Variants in TMEM163 observed in about 807,000 individuals in gnomAD.
TMEM163 encodes transmembrane protein 163.
A neutral mutation model predicts 29.3 loss-of-function variants in TMEM163; 17 were observed. That is an observed-to-expected ratio of 0.58 (90% CI 0.40 to 0.87). TMEM163 has a LOEUF of 0.87. Ranked by LOEUF, TMEM163 falls within the 40% of genes least tolerant of loss-of-function variation. TMEM163 has a pLI of 0.00. For missense variants in TMEM163, 303 were observed against 381.5 expected (o/e 0.79, Z 1.71); for synonymous variants, 157 against 160.6 (o/e 0.98, Z 0.17).
chr2:134,707,942 G>A (rs1684854516), intron 2 of TMEM163, among the ~76,000 whole-genome samples: 1 of 149,760 alleles, frequency 6.7e-6, no homozygotes, highest in East Asian at 1.9e-4. Context: ...AGGCTGGAGT[G>A]CAATGGTGCG....
intron 2 of TMEM163, among the ~76,000 whole-genome samples, chr2:134,702,143 C>T (rs1684718389): frequency 1.3e-5 from 2 of 151,966 alleles, no homozygotes; most frequent in Admixed American, 6.5e-5. Context: ...TGAACACTGC[C>T]GACATGCTCG....
chr2:134,645,112 C>T (rs143562955), intron 2 of TMEM163, among the ~76,000 whole-genome samples: 4 of 152,272 alleles, frequency 2.6e-5, no homozygotes, highest in Admixed American at 6.5e-5. Flanking sequence ...GCTGCTTATA[C>T]CAAATGCTTA....
chr2:134,571,698 G>C (rs897920977), intron 2 of TMEM163, among the ~76,000 whole-genome samples: 1 of 152,162 alleles, frequency 6.6e-6, no homozygotes, highest in African/African-American at 2.4e-5. Context: ...AGGAAACTAG[G>C]CATAAGCTTC....
intron 5 of TMEM163, among the ~76,000 whole-genome samples, chr2:134,497,311 A>G (rs140832893): frequency 4.1e-4 from 62 of 152,366 alleles, no homozygotes; most frequent in Admixed American, 1.4e-3. Context: ...GGAGATGAGC[A>G]ATCAAATGGT....
chr2:134,661,932 T>TTTTTTCC (rs1683762350), intron 2 of TMEM163, among the ~76,000 whole-genome samples: 1 of 139,172 alleles, frequency 7.2e-6, no homozygotes, highest in African/African-American at 2.7e-5. Flanking sequence ...TTTCTTTCTT[T>TTTTTTCC]TTTTTTTTTT....
chr2:134,579,113 A>AT (rs984914962), intron 2 of TMEM163, among the ~76,000 whole-genome samples: 29 of 152,152 alleles, frequency 1.9e-4, no homozygotes, highest in African/African-American at 6.7e-4. Flanking sequence ...GTCCCACCTG[A>AT]TTTTTTACAG....
intron 2 of TMEM163, among the ~76,000 whole-genome samples, chr2:134,669,822 A>G (rs7571113): frequency 0.65 from 98,173 of 152,044 alleles, 32,974 homozygotes; most frequent in African/African-American, 0.79. Context: ...CCACCATGCT[A>G]GAGGGATGAG....
intron 4 of TMEM163, among the ~76,000 whole-genome samples, chr2:134,523,959 C>T (rs1232742796): frequency 2.6e-5 from 4 of 152,166 alleles, no homozygotes; most frequent in African/African-American, 7.2e-5. Flanking sequence ...TGCTTTTAAA[C>T]ATTCTACAAT....
At chr2:134,494,399 G>A (rs1013088806) in intron 5 of TMEM163, among the ~76,000 whole-genome samples, 2 of 152,286 alleles carry the variant, frequency 1.3e-5, no homozygotes, top group African/African-American at 4.8e-5. Flanking sequence ...ATTAAATTCA[G>A]AGTTACACTT....
intron 2 of TMEM163, among the ~76,000 whole-genome samples, chr2:134,586,580 C>T (rs1032038188): frequency 7.2e-5 from 11 of 152,218 alleles, no homozygotes; most frequent in African/African-American, 2.7e-4. Flanking sequence ...ACATCTGCAA[C>T]AATCTTATTT....
intron 4 of TMEM163, among the ~76,000 whole-genome samples, chr2:134,507,615 T>TA (rs1219099881): frequency 1.3e-5 from 2 of 152,124 alleles, no homozygotes; most frequent in Non-Finnish European, 2.9e-5. Context: ...CCTGTAATTC[T>TA]AGCACTTTCA....
At chr2:134,555,224 A>T (rs1419721048) in intron 2 of TMEM163, among the ~76,000 whole-genome samples, 2 of 152,224 alleles carry the variant, frequency 1.3e-5, no homozygotes, top group African/African-American at 4.8e-5. Flanking sequence ...TTGAGAAAAG[A>T]ACAAACTCAA....
chr2:134,605,455 T>C (rs1264583179), intron 2 of TMEM163, among the ~76,000 whole-genome samples: 1 of 152,128 alleles, frequency 6.6e-6, no homozygotes, highest in Admixed American at 6.5e-5. Flanking sequence ...ATCAGCACTT[T>C]AGGAGGCTGA....
chr2:134,510,185 A>G (rs1679916086), intron 4 of TMEM163, among the ~76,000 whole-genome samples: 1 of 152,204 alleles, frequency 6.6e-6, no homozygotes, highest in Non-Finnish European at 1.5e-5. Context: ...GTACCTCAGA[A>G]AAAAAAGACC....
chr2:134,606,521 A>G (rs1427171164), intron 2 of TMEM163, among the ~76,000 whole-genome samples: 1 of 152,136 alleles, frequency 6.6e-6, no homozygotes, highest in East Asian at 1.9e-4. Flanking sequence ...ACTCTGCCCA[A>G]GGTGTTTCCA....
rs1470593422 is a variant in TMEM163 at position 134,604,895 on chromosome 2, C to T, written c.323-52804G>A. Among the ~76,000 whole-genome samples the T allele has an allele frequency of 3.3e-5, 5 of 152,070 alleles. No individual in the cohort carries two copies. In the East Asian group the frequency reaches 7.7e-4, roughly 23 times the overall value. ...AAGATTTGTTTTTAAGAACACAATC[C>T]TTGGCCAGGTGCGGTGGCTCACACC... On this transcript the variant is annotated intron_variant, in intron 2 of 7. Transcript: ENST00000281924.
intron 2 of TMEM163, among the ~76,000 whole-genome samples, chr2:134,689,569 G>T (rs561356709): frequency 6.6e-6 from 1 of 152,280 alleles, no homozygotes; most frequent in Admixed American, 6.5e-5. Context: ...CCACTCAAAG[G>T]AACTCAGAGG....
rs189670411 is a variant in TMEM163, at chr2:134,679,091, G to C, written c.322+34109C>G. Among the ~76,000 whole-genome samples, 8 of 152,326 alleles carry C rather than the reference G, an allele frequency of 5.3e-5. No homozygotes were observed. In the East Asian group the frequency reaches 1.2e-3, roughly 22 times the overall value. On this transcript the variant is annotated intron_variant, in intron 2 of 7. Coordinates refer to ENST00000281924, the MANE Select transcript of TMEM163 (RefSeq NM_030923.5). ...AGTGTCTGTCCCTGGCCTAGGGAAGGTCCCAGAGACCAGGCCAGGCCTCAG... is the reference window on the plus strand; with the variant it reads ...AGTGTCTGTCCCTGGCCTAGGGAAGCTCCCAGAGACCAGGCCAGGCCTCAG...
chr2:134,511,154 G>GGT (rs1553475800), intron 4 of TMEM163, among the ~76,000 whole-genome samples: 3 of 35,456 alleles, frequency 8.5e-5, no homozygotes, highest in Non-Finnish European at 4.3e-5. Flanking sequence ...AGAACAAGGC[G>GGT]GGGGGGGGTG....
Sources: allele counts gnomAD v4.1 joint callset (sites outside exome capture counted in the v4.1 genomes callset), GRCh38; gene constraint gnomAD v4.1.1; transcripts MANE v1.5; gene names NCBI Gene and HGNC (gene_info 2026-07-23, HGNC 2026-07-21).